Variants in PRDM5 observed in about 807,000 individuals in gnomAD.
The protein encoded by PRDM5 is PR domain zinc finger protein 5.
PRDM5 carries 56 observed loss-of-function variants against 81.2 expected under a neutral mutation model. That is an observed-to-expected ratio of 0.69 (90% CI 0.56 to 0.86). The LOEUF is 0.86. Among genes scored for constraint, PRDM5 ranks in the 40% least tolerant of loss-of-function variants. PRDM5 has a pLI of 0.00. For synonymous variants in PRDM5, 267 were observed against 256.4 expected, an observed-to-expected ratio of 1.04 and a Z score of -0.39; for missense variants, 697 against 770.1, an observed-to-expected ratio of 0.91 and a Z score of 1.12.
chr4:120,781,140 T>C lies in PRDM5; in HGVS notation c.1443+3A>G, dbSNP rs1748976615. 6.2e-7 allele frequency: 1 copy of C among 1,611,974 alleles called. No homozygotes were observed. On this transcript the variant is annotated splice_donor_region_variant and intron_variant, in intron 12 of 15. Coordinates refer to ENST00000264808, the MANE Select transcript of PRDM5 (RefSeq NM_018699.4). ...TTCAAACTAACAGAAGACTTCCACT[T>C]ACTTTCTTATGACTTCTAAGCACTG...
rs576542208 is a variant in PRDM5 at position 120,814,628 on chromosome 4, ATC to A, written c.865+1823_865+1824del. 2.2e-3 allele frequency among the ~76,000 whole-genome samples: 332 copies of A among 152,350 alleles called. 1 individual carries two copies. The highest frequency in any genetic ancestry group is 7.4e-3 in the African/African-American group (307 of 41,582). Reference sequence around the variant, plus strand: ...AACAAAAAAACATTTGCCATCAAAGATCTCTTTCTTTGAGTGCCTTTGCCTTT... The same window carrying A: ...AACAAAAAAACATTTGCCATCAAAGATCTTTCTTTGAGTGCCTTTGCCTTT... On this transcript the variant is annotated intron_variant, in intron 7 of 15. Transcript: ENST00000264808.
chr4:120,919,656 ATTTAT>A (rs1724648795), intron 1 of PRDM5, among the ~76,000 whole-genome samples: 1 of 150,894 alleles, frequency 6.6e-6, no homozygotes, highest in South Asian at 2.1e-4. Flanking sequence ...TGTATACTTA[ATTTAT>A]GAGTTTTGAG....
intron 2 of PRDM5, among the ~76,000 whole-genome samples, chr4:120,900,224 C>T (rs1370811909): frequency 6.6e-6 from 1 of 152,072 alleles, no homozygotes; most frequent in Admixed American, 6.6e-5. Flanking sequence ...CCCTCCTCTC[C>T]CTAGAGGTGA....
chr4:120,912,412 A>G (rs1766624892), intron 1 of PRDM5, among the ~76,000 whole-genome samples: 1 of 152,190 alleles, frequency 6.6e-6, no homozygotes, highest in South Asian at 2.1e-4. Context: ...CAAGTTAAAT[A>G]AAGCCCTGGG....
At chr4:120,891,565 C>A (rs1284321078) in intron 2 of PRDM5, among the ~76,000 whole-genome samples, 1 of 152,068 alleles carries the variant, frequency 6.6e-6, no homozygotes. Flanking sequence ...TTCTTGTATT[C>A]TGCTAGCTTT....
intron 14 of PRDM5, among the ~76,000 whole-genome samples, chr4:120,722,571 C>T (rs13110077): frequency 0.16 from 24,671 of 152,046 alleles, 2,514 homozygotes; most frequent in Non-Finnish European, 0.24. Flanking sequence ...AATGCTGATG[C>T]CTACCCCCAG....
intron 13 of PRDM5, among the ~76,000 whole-genome samples, chr4:120,755,828 C>A (rs1449033618): frequency 6.6e-6 from 1 of 152,196 alleles, no homozygotes; most frequent in Admixed American, 6.5e-5. Context: ...CATACGGAAG[C>A]ACCTGCAGCG....
intron 10 of PRDM5, among the ~76,000 whole-genome samples, chr4:120,796,316 G>C (rs1269835340): frequency 6.6e-6 from 1 of 152,170 alleles, no homozygotes; most frequent in South Asian, 2.1e-4. Context: ...CATTTGTCTA[G>C]TGCAGAAGGA....
chr4:120,693,765 A>G lies in PRDM5; in HGVS notation c.*1346T>C, dbSNP rs1467721511. On this transcript the variant is annotated 3_prime_UTR_variant, in exon 16 of 16. Coordinates refer to ENST00000264808, the MANE Select transcript of PRDM5 (RefSeq NM_018699.4). Reference sequence around the variant, plus strand: ...TTAAAACTATACTTCCTTTCTTTTGACTGGGCTTCAGTTAGAGAGGTTCAT... The same window carrying G: ...TTAAAACTATACTTCCTTTCTTTTGGCTGGGCTTCAGTTAGAGAGGTTCAT... 6.6e-6 allele frequency: 1 copy of G among 152,010 alleles called. No homozygotes were observed. Among genetic ancestry groups the G allele is most frequent in the Non-Finnish European group, 1.5e-5 (1 of 67,994 alleles). The allele number at this position is 152,010 out of a possible 1,614,324, so 9.4% of individuals were successfully genotyped here. A position where few individuals can be genotyped will look rare whatever the true frequency, so the allele number is the denominator to read the frequency against.
intron 7 of PRDM5, among the ~76,000 whole-genome samples, chr4:120,814,089 C>G (rs559848911): frequency 6.6e-6 from 1 of 152,310 alleles, no homozygotes; most frequent in South Asian, 2.1e-4. Flanking sequence ...AAATGTATGA[C>G]TATTCATCTG....
intron 14 of PRDM5, among the ~76,000 whole-genome samples, chr4:120,737,523 T>C (rs769742398): frequency 6.6e-6 from 1 of 152,154 alleles, no homozygotes; most frequent in Non-Finnish European, 1.5e-5. Flanking sequence ...TACTTGGGAT[T>C]ATGTGTTACT....
intron 3 of PRDM5, among the ~76,000 whole-genome samples, chr4:120,825,442 A>G (rs1755834603): frequency 6.6e-6 from 1 of 152,034 alleles, no homozygotes; most frequent in Non-Finnish European, 1.5e-5. Flanking sequence ...CAGCCAAAAT[A>G]TAAGACATCC....
chr4:120,734,219 G>C (rs1431889169), intron 14 of PRDM5, among the ~76,000 whole-genome samples: 1 of 151,866 alleles, frequency 6.6e-6, no homozygotes, highest in African/African-American at 2.4e-5. Context: ...GCAGAGAGGA[G>C]CCGCTGTAGG....
In PRDM5 at chr4:120,781,306, T is replaced by C; in HGVS notation, c.1283-3A>G. The stretch of plus-strand genomic sequence containing the variant: ...ATGGCACTTGAAAGTCCTCTCACCT[T>C]AGAAACAAAGAGAAACATTTAAGAA... On this transcript the variant is annotated splice_region_variant and splice_polypyrimidine_tract_variant and intron_variant, in intron 11 of 15. Transcript: ENST00000264808. The C allele has an allele frequency of 1.2e-6, 2 of 1,612,006 alleles. No individual in the cohort carries two copies. Among genetic ancestry groups the C allele is most frequent in the African/African-American group, 1.3e-5 (1 of 74,956 alleles).
intron 8 of PRDM5, among the ~76,000 whole-genome samples, chr4:120,802,622 C>G (rs1168790231): frequency 1.3e-5 from 2 of 152,210 alleles, no homozygotes; most frequent in African/African-American, 4.8e-5. Flanking sequence ...CCAGCAAACT[C>G]CAACAGACCT....
At chr4:120,859,218 T>TC (rs1435487335) in intron 2 of PRDM5, among the ~76,000 whole-genome samples, 5 of 145,326 alleles carry the variant, frequency 3.4e-5, no homozygotes, top group Non-Finnish European at 5.9e-5. Flanking sequence ...ACTTTTTTTT[T>TC]TTTTTTTTAG....
chr4:120,704,586 A>G (rs563916321), intron 15 of PRDM5, among the ~76,000 whole-genome samples: 9 of 152,252 alleles, frequency 5.9e-5, no homozygotes, highest in African/African-American at 2.2e-4. Flanking sequence ...TACTTATCAC[A>G]TACAATGTGC....
intron 14 of PRDM5, among the ~76,000 whole-genome samples, chr4:120,727,860 C>T (rs1447458045): frequency 2.0e-5 from 3 of 151,382 alleles, no homozygotes; most frequent in South Asian, 2.1e-4. Context: ...CGCTTGAACC[C>T]GGGAGGTGGA....
intron 5 of PRDM5, among the ~76,000 whole-genome samples, 158 bp from the exon 6 acceptor site, chr4:120,817,082 C>T (rs1043741936): frequency 2.0e-5 from 3 of 152,152 alleles, no homozygotes; most frequent in African/African-American, 7.2e-5. Flanking sequence ...TAACTATAAG[C>T]TCTTGCTCAG....
Sources: gnomAD v4.1 joint callset for allele counts (sites outside exome capture counted in the v4.1 genomes callset) on GRCh38, gnomAD v4.1.1 for gene constraint, MANE v1.5 for transcripts, NCBI Gene and HGNC (gene_info 2026-07-23, HGNC 2026-07-21) for gene names.